MB21D2: variants seen among roughly 807,000 people sequenced by gnomAD.
The protein encoded by MB21D2 is nucleotidyltransferase MB21D2.
MB21D2 carries 9 observed loss-of-function variants against 33.3 expected under a neutral mutation model. The observed-to-expected ratio is 0.27, with a 90% confidence interval of 0.16 to 0.47. MB21D2 has a LOEUF of 0.47. Ranked by LOEUF, MB21D2 falls within the 20% of genes least tolerant of loss-of-function variation. The probability of loss-of-function intolerance (pLI) is 0.99; values close to 1 mark genes in which losing one functional copy is unlikely to be tolerated. For missense variants in MB21D2, 540 were observed against 624.6 expected (o/e 0.86, Z 1.44); for synonymous variants, 241 against 236.3 (o/e 1.02, Z -0.18).
At chr3:192,876,270 C>T (rs1397867820) in intron 1 of MB21D2, among the ~76,000 whole-genome samples, 2 of 152,216 alleles carry the variant, frequency 1.3e-5, no homozygotes, top group Admixed American at 6.5e-5. Context: ...GACTCCACCA[C>T]CCGTTCTTGC....
Position 192,889,172 on chromosome 3 carries a change from T to C in MB21D2, c.211+28458A>G, listed in dbSNP as rs985593739. 2.0e-5 allele frequency among the ~76,000 whole-genome samples: 3 copies of C among 152,122 alleles called. No individual in the cohort carries two copies. The South Asian group carries it at 6.2e-4, about 32-fold the overall frequency. On this transcript the variant is annotated intron_variant, in intron 1 of 1. Transcript: ENST00000392452. The stretch of plus-strand genomic sequence containing the variant: ...GATACACACACAAATATACAGTTAG[T>C]TCAGGCAGGCAGAGAAACCCTTCTG...
At chr3:192,914,798 C>A (rs1714427680) in intron 1 of MB21D2, among the ~76,000 whole-genome samples, 1 of 152,024 alleles carries the variant, frequency 6.6e-6, no homozygotes, top group Admixed American at 6.6e-5. Flanking sequence ...TCAGATCAAC[C>A]CCACAGCCTG....
intron 1 of MB21D2, among the ~76,000 whole-genome samples, chr3:192,822,659 C>T (rs1387999219): frequency 6.6e-6 from 1 of 152,210 alleles, no homozygotes; most frequent in Non-Finnish European, 1.5e-5. Context: ...TCCTTTACGG[C>T]TTTTGCTTTT....
chr3:192,819,810 C>A (rs912309957), intron 1 of MB21D2, among the ~76,000 whole-genome samples: 1 of 152,170 alleles, frequency 6.6e-6, no homozygotes, highest in African/African-American at 2.4e-5. Context: ...TATTTTTACC[C>A]ATTTCCAGGT....
chr3:192,810,508 G>A (rs561641763), intron 1 of MB21D2, among the ~76,000 whole-genome samples: 81 of 152,146 alleles, frequency 5.3e-4, no homozygotes, highest in Middle Eastern at 3.4e-3. Flanking sequence ...AACTATCACT[G>A]GCTAGTCAAA....
chr3:192,858,516 T>C (rs939686003), intron 1 of MB21D2, among the ~76,000 whole-genome samples: 1 of 152,266 alleles, frequency 6.6e-6, no homozygotes, highest in African/African-American at 2.4e-5. Flanking sequence ...CAAAGTATTT[T>C]ACAAATAATG....
intron 1 of MB21D2, among the ~76,000 whole-genome samples, chr3:192,913,914 T>C (rs1479226954): frequency 2.0e-5 from 3 of 152,208 alleles, no homozygotes; most frequent in Non-Finnish European, 4.4e-5. Flanking sequence ...AACATTTTAT[T>C]ATAATTACTA....
intron 1 of MB21D2, among the ~76,000 whole-genome samples, chr3:192,827,859 A>G (rs1325429104): frequency 6.6e-6 from 1 of 152,008 alleles, no homozygotes; most frequent in East Asian, 1.9e-4. Flanking sequence ...CTGTGTCCCC[A>G]CCCAAATCTC....
chr3:192,883,163 C>T (rs1452219478), intron 1 of MB21D2, among the ~76,000 whole-genome samples: 1 of 152,096 alleles, frequency 6.6e-6, no homozygotes, highest in Non-Finnish European at 1.5e-5. Flanking sequence ...CCACCGTGCC[C>T]AGCCTGACCA....
intron 1 of MB21D2, among the ~76,000 whole-genome samples, chr3:192,905,543 A>C (rs1289224839): frequency 1.3e-5 from 2 of 150,908 alleles, no homozygotes; most frequent in Non-Finnish European, 2.9e-5. Context: ...AGGCTGAGGC[A>C]GGAGAATCGC....
At chr3:192,853,975 T>C (rs1388938135) in intron 1 of MB21D2, among the ~76,000 whole-genome samples, 1 of 152,182 alleles carries the variant, frequency 6.6e-6, no homozygotes, top group African/African-American at 2.4e-5. Context: ...CAACCAGCTG[T>C]TACCCCAGCT....
intron 1 of MB21D2, among the ~76,000 whole-genome samples, chr3:192,864,660 C>T (rs1198634406): frequency 6.6e-6 from 1 of 152,162 alleles, no homozygotes; most frequent in Non-Finnish European, 1.5e-5. Flanking sequence ...ACACCCGCCA[C>T]CACGCCTGGT....
At chr3:192,811,846 C>T (rs1711794010) in intron 1 of MB21D2, among the ~76,000 whole-genome samples, 1 of 152,134 alleles carries the variant, frequency 6.6e-6, no homozygotes, top group Non-Finnish European at 1.5e-5. Flanking sequence ...GAGCTTTGTT[C>T]AAACAGACCT....
At chr3:192,842,806 G>A (rs1490801331) in intron 1 of MB21D2, among the ~76,000 whole-genome samples, 3 of 152,096 alleles carry the variant, frequency 2.0e-5, no homozygotes, top group South Asian at 2.1e-4. Flanking sequence ...AAGTGGACAC[G>A]GTCCAATTAC....
chr3:192,818,635 A>G (rs958132830), intron 1 of MB21D2, among the ~76,000 whole-genome samples: 51 of 152,214 alleles, frequency 3.4e-4, no homozygotes, highest in African/African-American at 1.2e-3. Flanking sequence ...AACCATTTTT[A>G]AAGGTAAAGT....
intron 1 of MB21D2, among the ~76,000 whole-genome samples, chr3:192,871,284 A>G (rs571464253): frequency 1.5e-3 from 225 of 152,370 alleles, no homozygotes; most frequent in South Asian, 0.015. Flanking sequence ...AAGGAAGGAT[A>G]CTACCTTATG....
chr3:192,876,538 T>C (rs1713430867), intron 1 of MB21D2, among the ~76,000 whole-genome samples: 1 of 152,218 alleles, frequency 6.6e-6, no homozygotes, highest in Non-Finnish European at 1.5e-5. Flanking sequence ...GTAGCCACAG[T>C]GGTTGGTCTT....
chr3:192,834,098 T>G (rs775650870), intron 1 of MB21D2, among the ~76,000 whole-genome samples: 1 of 151,988 alleles, frequency 6.6e-6, no homozygotes, highest in African/African-American at 2.4e-5. Context: ...CTCTGCCAAT[T>G]TGTGTGAATG....
At chr3:192,895,189 T>G (rs1713939587) in intron 1 of MB21D2, among the ~76,000 whole-genome samples, 1 of 152,166 alleles carries the variant, frequency 6.6e-6, no homozygotes, top group Admixed American at 6.5e-5. Flanking sequence ...TCTGGTCCAG[T>G]GCTCACCTCC....
Sources: gnomAD v4.1 joint callset for allele counts (sites outside exome capture counted in the v4.1 genomes callset) on GRCh38, gnomAD v4.1.1 for gene constraint, MANE v1.5 for transcripts, NCBI Gene and HGNC (gene_info 2026-07-23, HGNC 2026-07-21) for gene names.